The following TTC28 variants were observed in gnomAD, a reference collection of about 807,000 sequenced individuals.
TTC28 encodes tetratricopeptide repeat protein 28.
TTC28 carries 61 observed loss-of-function variants against 198.0 expected under a neutral mutation model. The observed-to-expected ratio is 0.31, with a 90% CI of 0.25 to 0.38. The LOEUF is 0.38. Ranked by LOEUF, TTC28 falls within the 10% of genes least tolerant of loss-of-function variation. The pLI, the probability that TTC28 is intolerant of heterozygous loss-of-function variation, is 1.00. For missense variants in TTC28, 2,678 were observed against 3,164.0 expected (o/e 0.85, Z 3.69); for synonymous variants, 1,171 against 1,297.8 (o/e 0.90, Z 2.10).
At chr22:27,987,990 T>C (rs1937269916) in intron 21 of TTC28, among the ~76,000 whole-genome samples, 1 of 151,946 alleles carries the variant, frequency 6.6e-6, no homozygotes, top group Non-Finnish European at 1.5e-5. Flanking sequence ...TGTGGGAGGG[T>C]TGCTTGAACC....
chr22:28,462,980 C>A (rs2047969885), intron 2 of TTC28, among the ~76,000 whole-genome samples: 1 of 152,114 alleles, frequency 6.6e-6, no homozygotes, highest in African/African-American at 2.4e-5. Flanking sequence ...GACAACAGTA[C>A]AATAGCTTAA....
intron 5 of TTC28, among the ~76,000 whole-genome samples, chr22:28,233,118 C>T (rs1046846514): frequency 5.1e-4 from 77 of 151,836 alleles, no homozygotes; most frequent in Middle Eastern, 6.8e-3. Context: ...AAAAAAAATC[C>T]ATTTTAATTT....
intron 5 of TTC28, among the ~76,000 whole-genome samples, chr22:28,218,822 T>G (rs544535432): frequency 1.3e-4 from 20 of 152,150 alleles, no homozygotes; most frequent in Non-Finnish European, 2.6e-4. Flanking sequence ...TCCAGCCCTT[T>G]TAACTTCAAG....
intron 2 of TTC28, among the ~76,000 whole-genome samples, chr22:28,488,353 C>CG: frequency 6.6e-6 from 1 of 152,288 alleles, no homozygotes; most frequent in East Asian, 1.9e-4. Flanking sequence ...GGCCATTCCC[C>CG]GACTGCTAGC....
chr22:28,125,017 T>G (rs1020003244), intron 6 of TTC28, among the ~76,000 whole-genome samples: 1 of 152,218 alleles, frequency 6.6e-6, no homozygotes, highest in South Asian at 2.1e-4. Flanking sequence ...ATACATTGCA[T>G]ACCCTAGAAA....
At chr22:28,126,531 T>C (rs1942917241) in intron 6 of TTC28, among the ~76,000 whole-genome samples, 1 of 152,176 alleles carries the variant, frequency 6.6e-6, no homozygotes, top group African/African-American at 2.4e-5. Flanking sequence ...GAATACCCAC[T>C]CTCTAATCCC....
At chr22:28,168,888 C>T (rs2147075448) in intron 5 of TTC28, among the ~76,000 whole-genome samples, 1 of 152,212 alleles carries the variant, frequency 6.6e-6, no homozygotes, top group Admixed American at 6.5e-5. Context: ...AACAGGCACC[C>T]TACAGAATGG....
At position 28,306,515 on chromosome 22, in the gene TTC28, G is replaced by T. The variant is rs1354377885; in HGVS notation, c.510C>A (p.Ala170=). 1.9e-6 allele frequency: 3 copies of T among 1,550,246 alleles called. No individual in the cohort carries two copies. In the South Asian group the frequency reaches 3.6e-5, roughly 19 times the overall value. Residue 170 remains alanine, a synonymous_variant, in exon 3 of 23, where the codon GCC becomes GCA. Transcript: ENST00000397906. ...LQLLVGMVEA[A]MKSPMRDSLE... The stretch of plus-strand genomic sequence containing the variant: ...ATTTACCTCTCATGGGAGATTTCAT[G>T]GCGGCTTCCACCATCCCCACCAGAA...
rs769261803 is a variant in TTC28, at chr22:27,983,473, T to C, written c.6194A>G (p.Glu2065Gly). The change falls in exon 23 of 23, where the codon GAG (glutamate) becomes GGG (glycine). Residue 2065 changes from glutamate to glycine, a missense_variant. This residue lies in a region of TTC28 where 622 missense variants were observed against 656.0 expected (regional missense o/e 0.95). Coordinates refer to ENST00000397906, the MANE Select transcript of TTC28 (RefSeq NM_001145418.2). The part of the protein sequence containing the change: ...EYEGFSIISN[E>G]PLATYQENRN... Reference sequence around the variant, plus strand: ...GTTTTCTTGGTAGGTCGCCAAGGGCTCGTTACTGATGATAGAAAACCCTTC... The same window carrying C: ...GTTTTCTTGGTAGGTCGCCAAGGGCCCGTTACTGATGATAGAAAACCCTTC... 1.3e-6 allele frequency: 2 copies of C among 1,546,382 alleles called. No individual in the cohort carries two copies. The highest frequency in any genetic ancestry group is 1.2e-5 in the South Asian group (1 of 83,978).
intron 5 of TTC28, among the ~76,000 whole-genome samples, chr22:28,168,068 A>G (rs1922224071): frequency 6.6e-6 from 1 of 152,246 alleles, no homozygotes; most frequent in Non-Finnish European, 1.5e-5. Flanking sequence ...ACTCCCATTC[A>G]CAATTACTTC....
intron 2 of TTC28, among the ~76,000 whole-genome samples, chr22:28,531,211 A>G (rs2049131459): frequency 6.6e-6 from 1 of 152,218 alleles, no homozygotes; most frequent in African/African-American, 2.4e-5. Flanking sequence ...GGAATGGAGG[A>G]AGATCTACCA....
intron 2 of TTC28, among the ~76,000 whole-genome samples, chr22:28,320,709 C>T (rs2045432412): frequency 1.3e-5 from 2 of 151,882 alleles, no homozygotes; most frequent in Non-Finnish European, 2.9e-5. Flanking sequence ...CTAAATGTAC[C>T]AAAAGTCAAT....
At chr22:28,088,241 C>T (rs1414759264) in intron 12 of TTC28, among the ~76,000 whole-genome samples, 1 of 152,170 alleles carries the variant, frequency 6.6e-6, no homozygotes, top group African/African-American at 2.4e-5. Flanking sequence ...CTGGAGGCAT[C>T]ACGCTACCTG....
chr22:28,182,689 CT>C (rs757596097), intron 5 of TTC28, among the ~76,000 whole-genome samples: 31 of 152,272 alleles, frequency 2.0e-4, no homozygotes, highest in Non-Finnish European at 3.7e-4. Context: ...AAATGCATGG[CT>C]TTTGAATGCT....
intron 5 of TTC28, among the ~76,000 whole-genome samples, chr22:28,184,944 T>C (rs1369894243): frequency 1.3e-5 from 2 of 152,158 alleles, no homozygotes. Context: ...GGTTGTCTTA[T>C]TCATCTCTGT....
intron 14 of TTC28, among the ~76,000 whole-genome samples, chr22:28,004,466 G>T (rs1033447907): frequency 6.6e-6 from 1 of 152,150 alleles, no homozygotes; most frequent in African/African-American, 2.4e-5. Flanking sequence ...GTCCAGGCTG[G>T]GAGATAGGGA....
chr22:28,419,967 G>A (rs2047222843), intron 2 of TTC28, among the ~76,000 whole-genome samples: 1 of 152,156 alleles, frequency 6.6e-6, no homozygotes, highest in Non-Finnish European at 1.5e-5. Context: ...AGATTTATCG[G>A]AAGTTAAACA....
At chr22:28,231,623 TTACACA>T (rs1444501686) in intron 5 of TTC28, among the ~76,000 whole-genome samples, 2 of 152,202 alleles carry the variant, frequency 1.3e-5, no homozygotes, top group African/African-American at 2.4e-5. Flanking sequence ...TGTTAGCAGT[TTACACA>T]TGGCTGGTGA....
rs1942382145 is a variant in TTC28 at position 28,108,238 on chromosome 22, T to C, written c.1607A>G (p.Tyr536Cys). Residue 536 changes from tyrosine (Y) to cysteine (C), a missense_variant, in exon 7 of 23, where the codon TAC becomes TGC. Physicochemically the swap from Tyr to Cys is radical, Grantham distance 194 (BLOSUM62 -2). This residue lies in a region of TTC28 where 775 missense variants were observed against 845.9 expected (regional missense o/e 0.92). Transcript: ENST00000397906. ...GGAGATCTGCAGCTCCTGCCGATGG[T>C]ATTTGACCGCCTGGTCGTACATGCC... ...ALGMYDQAVK[Y>C]HRQELQISME... The C allele has an allele frequency of 6.4e-7, 1 of 1,551,010 alleles. No individual in the cohort carries two copies. Among genetic ancestry groups the C allele is most frequent in the Non-Finnish European group, 8.7e-7 (1 of 1,146,422 alleles).
Sources: gnomAD v4.1 joint callset for allele counts (sites outside exome capture counted in the v4.1 genomes callset) on GRCh38, gnomAD v4.1.1 for gene constraint, gnomAD v4.1.1 regional missense constraint, MANE v1.5 for transcripts, NCBI Gene and HGNC (gene_info 2026-07-23, HGNC 2026-07-21) for gene names.